Variants in SSR3 observed in about 807,000 individuals in gnomAD.
SSR3 encodes signal sequence receptor subunit 3, also known as translocon-associated protein subunit gamma.
In SSR3, 10 loss-of-function variants were observed where a neutral mutation model predicts 22.1. The ratio of observed to expected loss-of-function variants is 0.45; its 90% CI spans 0.28 to 0.77. The LOEUF is 0.77. Among genes scored for constraint, SSR3 ranks in the 30% least tolerant of loss-of-function variants. SSR3 has a pLI of 0.13. For synonymous variants in SSR3, 104 were observed against 82.5 expected (o/e 1.26, Z -1.42); for missense variants, 181 against 220.5 (o/e 0.82, Z 1.13).
intron 3 of SSR3, among the ~76,000 whole-genome samples, chr3:156,545,963 T>C (rs1399274438): frequency 6.6e-6 from 1 of 152,202 alleles, no homozygotes; most frequent in East Asian, 1.9e-4. Context: ...TGAAGTCAGG[T>C]TGCTTACGTA....
chr3:156,553,540 TAATA>T, intron 2 of SSR3, 111 bp downstream of exon 2: 14 of 1,051,234 alleles, frequency 1.3e-5, no homozygotes, highest in Non-Finnish European at 1.9e-5. Flanking sequence ...AAATGTTTAT[TAATA>T]TATATATCTC....
At chr3:156,543,740 C>T (rs1559943128) in intron 4 of SSR3, among the ~76,000 whole-genome samples, 2 of 152,192 alleles carry the variant, frequency 1.3e-5, no homozygotes, top group Non-Finnish European at 2.9e-5. Flanking sequence ...CAAATCACTC[C>T]AGCATTCCCA....
rs1237883192 is a variant in SSR3, at chr3:156,542,217, G to A, written c.*986C>T. 1 of 152,218 alleles carries A rather than the reference G, an allele frequency of 6.6e-6. No homozygotes were observed. The highest frequency in any genetic ancestry group is 2.4e-5 in the African/African-American group (1 of 41,452). 9.4% of individuals were successfully genotyped at this position (152,218 alleles called of 1,614,324 possible). ...CTCAGCTGGATCCCCAAGGGCTAAAGAGATAAATATCTTGCTCACAATCAA... is the reference window on the plus strand; with the variant it reads ...CTCAGCTGGATCCCCAAGGGCTAAAAAGATAAATATCTTGCTCACAATCAA... On this transcript the variant is annotated 3_prime_UTR_variant, in exon 5 of 5. Coordinates refer to ENST00000265044, the MANE Select transcript of SSR3 (RefSeq NM_007107.5).
At chr3:156,549,179 G>A (rs892066772) in intron 2 of SSR3, 176 bp from the exon 3 acceptor site, 2 of 526,760 alleles carry the variant, frequency 3.8e-6, no homozygotes, top group Non-Finnish European at 6.2e-6. Flanking sequence ...AGCCAAAAGA[G>A]AAGTTCGAGA....
At chr3:156,544,917 G>T (rs1225446728) in intron 3 of SSR3, among the ~76,000 whole-genome samples, 1 of 152,214 alleles carries the variant, frequency 6.6e-6, no homozygotes, top group Non-Finnish European at 1.5e-5. Flanking sequence ...TCTCACAGAA[G>T]TAGGCTATTG....
At chr3:156,552,964 T>TA (rs1242529965) in intron 2 of SSR3, among the ~76,000 whole-genome samples, 1 of 152,008 alleles carries the variant, frequency 6.6e-6, no homozygotes, top group Non-Finnish European at 1.5e-5. Flanking sequence ...TGTGTGATCT[T>TA]AGACTATGTT....
At chr3:156,548,537 T>C (rs1719840725) in intron 3 of SSR3, among the ~76,000 whole-genome samples, 1 of 152,214 alleles carries the variant, frequency 6.6e-6, no homozygotes. Context: ...CAGTTACAAG[T>C]ACAAGCTCTC....
At chr3:156,549,163 T>G (rs936049534) in intron 2 of SSR3, 160 bp from the exon 3 acceptor site, 16 of 619,068 alleles carry the variant, frequency 2.6e-5, no homozygotes, top group Non-Finnish European at 3.8e-5. Flanking sequence ...TTTATTACAC[T>G]GCACTAGCCA....
At position 156,544,373 on chromosome 3, in the gene SSR3, G is replaced by A. The variant is rs529362637; in HGVS notation, c.426C>T (p.Asn142=). 7 of 1,600,974 alleles carry A rather than the reference G, an allele frequency of 4.4e-6. No individual in the cohort carries two copies. In the Admixed American group the frequency reaches 5.1e-5, roughly 12 times the overall value. Residue 142 remains asparagine, a synonymous_variant, in exon 4 of 5, where the codon AAC becomes AAT. Coordinates refer to ENST00000265044, the MANE Select transcript of SSR3 (RefSeq NM_007107.5). ...EATTFSIFYN[N]TLFLVVVIVA... ...CAATGACCACGACCAGGAACAGAGT[G>A]TTGTTATAGAAGATGGAAAATGTTG...
In SSR3 at chr3:156,543,273, T is replaced by C. The variant is rs375809837; in HGVS notation, c.492-4A>G. ...ACTTATGGACAATATGTAGTTCCTG[T>C]AAGAAATTTAATGTTATGGAAAAAT... On this transcript the variant is annotated splice_polypyrimidine_tract_variant and splice_region_variant and intron_variant, in intron 4 of 4. Coordinates refer to ENST00000265044, the MANE Select transcript of SSR3 (RefSeq NM_007107.5). 1.1e-5 allele frequency: 17 copies of C among 1,612,186 alleles called. No homozygotes were observed. The African/African-American group carries it at 2.3e-4, about 22-fold the overall frequency.
chr3:156,550,894 G>C (rs1405162051), intron 2 of SSR3, among the ~76,000 whole-genome samples: 3 of 149,208 alleles, frequency 2.0e-5, no homozygotes, highest in Non-Finnish European at 3.0e-5. Flanking sequence ...AATTCCACTA[G>C]CATCCCCAGT....
Position 156,540,706 on chromosome 3 carries a change from T to C in SSR3, c.*2497A>G, listed in dbSNP as rs1719438257. ...AAATGAAAATGTTATAACACTTTAG[T>C]GCTATTTATGAGTATGAACAAAGGA... On this transcript the variant is annotated 3_prime_UTR_variant, in exon 5 of 5. Coordinates refer to ENST00000265044, the MANE Select transcript of SSR3 (RefSeq NM_007107.5). 6.6e-6 allele frequency: 1 copy of C among 151,860 alleles called. No homozygotes were observed. Among genetic ancestry groups the C allele is most frequent in the African/African-American group, 2.4e-5 (1 of 41,310 alleles). The allele number at this position is 151,860 out of a possible 1,614,324, so 9.4% of individuals were successfully genotyped here.
rs1720098060 is a variant in SSR3, at chr3:156,554,977, A to T, written c.113T>A (p.Ile38Asn). 1 of 1,613,816 alleles carries T rather than the reference A, an allele frequency of 6.2e-7. No homozygotes were observed. Among genetic ancestry groups the T allele is most frequent in the Non-Finnish European group, 8.5e-7 (1 of 1,179,914 alleles). ...SSALFFGNAFIVSAIPIWLYW... is the reference protein window; with the variant it reads ...SSALFFGNAFNVSAIPIWLYW... ...CTCACAGATGGGGATGGCAGACACG[A>T]TGAACGCGTTTCCGAAGAAGAGCGC... Residue 38 changes from isoleucine to asparagine, a missense_variant, in exon 1 of 5, where the codon ATC becomes AAC. By Grantham distance (149) the Ile-to-Asn change is moderately radical. Coordinates refer to ENST00000265044, the MANE Select transcript of SSR3 (RefSeq NM_007107.5).
chr3:156,544,358 G>T lies in SSR3; in HGVS notation c.441C>A (p.Val147=). The T allele has an allele frequency of 1.3e-6, 2 of 1,596,086 alleles. No homozygotes were observed. Among genetic ancestry groups the T allele is most frequent in the South Asian group, 2.3e-5 (2 of 87,164 alleles). ...SIFYNNTLFL[V]VVIVASFFIL... ...TGAAGAAGGAAGCAACAATGACCAC[G>T]ACCAGGAACAGAGTGTTGTTATAGA... The change falls in exon 4 of 5, where the codon GTC becomes GTA. Residue 147 remains valine, a synonymous_variant. Transcript: ENST00000265044.
intron 3 of SSR3, among the ~76,000 whole-genome samples, chr3:156,545,392 A>G (rs187222676): frequency 7.0e-4 from 106 of 152,334 alleles, no homozygotes; most frequent in African/African-American, 2.5e-3. Flanking sequence ...GGTAAAATAC[A>G]TATTTTTTAC....
chr3:156,545,219 G>T (rs1374697520), intron 3 of SSR3, among the ~76,000 whole-genome samples: 1 of 152,184 alleles, frequency 6.6e-6, no homozygotes, highest in African/African-American at 2.4e-5. Context: ...ACTCAATCAA[G>T]TGGATCGAAT....
Position 156,554,954 on chromosome 3 carries a change from C to T in SSR3, c.133+3G>A. The T allele has an allele frequency of 2.5e-6, 4 of 1,613,226 alleles. No individual in the cohort carries two copies. Among genetic ancestry groups the T allele is most frequent in the Non-Finnish European group, 3.4e-6 (4 of 1,179,668 alleles). Reference sequence around the variant, plus strand: ...CCTAACCCGCCTCGCTCCCAGCACTCACAGATGGGGATGGCAGACACGATG... The same window carrying T: ...CCTAACCCGCCTCGCTCCCAGCACTTACAGATGGGGATGGCAGACACGATG... On this transcript the variant is annotated splice_donor_region_variant and intron_variant, in intron 1 of 4. Coordinates refer to ENST00000265044, the MANE Select transcript of SSR3 (RefSeq NM_007107.5).
At chr3:156,549,715 A>G (rs1422057936) in intron 2 of SSR3, among the ~76,000 whole-genome samples, 1 of 152,250 alleles carries the variant, frequency 6.6e-6, no homozygotes, top group African/African-American at 2.4e-5. Flanking sequence ...ACGTTTAGTC[A>G]GTTTCAAATA....
chr3:156,547,636 T>TCA lies in SSR3; in HGVS notation c.359+1267_359+1268dup, dbSNP rs569468627. ...CCTCCATTGTCATAATACTGTGCCTTCAGTTTTATAAAGGAGCCATAGAAG... is the reference window on the plus strand; with the variant it reads ...CCTCCATTGTCATAATACTGTGCCTTCACAGTTTTATAAAGGAGCCATAGAAG... On this transcript the variant is annotated intron_variant, in intron 3 of 4. Coordinates refer to ENST00000265044, the MANE Select transcript of SSR3 (RefSeq NM_007107.5). 1.1e-4 allele frequency among the ~76,000 whole-genome samples: 17 copies of TCA among 152,336 alleles called. No homozygotes were observed. In the South Asian group the frequency reaches 3.5e-3, roughly 32 times the overall value.
Sources: allele counts gnomAD v4.1 joint callset (sites outside exome capture counted in the v4.1 genomes callset), GRCh38; gene constraint gnomAD v4.1.1; transcripts MANE v1.5; gene names NCBI Gene and HGNC (gene_info 2026-07-23, HGNC 2026-07-21).